The following RIMS2 variants were observed in gnomAD, a reference collection of about 807,000 sequenced individuals.
RIMS2 encodes the protein regulating synaptic membrane exocytosis protein 2.
Under a neutral mutation model 174.4 loss-of-function variants are expected in RIMS2, and 59 were observed. That is an observed-to-expected ratio of 0.34 (90% CI 0.27 to 0.42). The LOEUF (loss-of-function observed/expected upper bound fraction) is 0.42. Ranked by LOEUF, RIMS2 falls within the 10% of genes least tolerant of loss-of-function variation. The pLI is 1.00. For synonymous variants in RIMS2, 606 were observed against 572.5 expected, an observed-to-expected ratio of 1.06 and a Z score of -0.84; for missense variants, 1,620 against 1,666.3, an observed-to-expected ratio of 0.97 and a Z score of 0.48.
intron 1 of RIMS2, among the ~76,000 whole-genome samples, chr8:103,541,669 T>C (rs954188015): frequency 6.6e-6 from 1 of 152,220 alleles, no homozygotes; most frequent in Non-Finnish European, 1.5e-5. Flanking sequence ...TCTAGTACTG[T>C]AATGGTGGTG....
intron 2 of RIMS2, among the ~76,000 whole-genome samples, chr8:103,723,269 CTG>C: frequency 6.6e-6 from 1 of 152,380 alleles, no homozygotes; most frequent in African/African-American, 2.4e-5. Flanking sequence ...TCATGTTTCT[CTG>C]ATTATTCACG....
intron 21 of RIMS2, 81 bp downstream of exon 27, chr8:104,248,894 T>C: frequency 1.6e-6 from 1 of 606,848 alleles, no homozygotes; most frequent in South Asian, 2.0e-5. Flanking sequence ...TAGAATCTTC[T>C]CTCTCTCTCT....
chr8:104,035,765 C>T (rs1159649822), intron 19 of RIMS2, among the ~76,000 whole-genome samples: 2 of 151,944 alleles, frequency 1.3e-5, no homozygotes, highest in South Asian at 4.1e-4. Flanking sequence ...GCCATCCAGT[C>T]TGGAAAAAGG....
chr8:103,885,423 A>G, exon 4 of RIMS2: 1 of 1,611,982 alleles, frequency 6.2e-7, no homozygotes, highest in Non-Finnish European at 8.5e-7. Context: ...GATTATGCTG[A>G]TAGGCGATCT....
chr8:104,188,979 G>A (rs746490010), intron 19 of RIMS2, among the ~76,000 whole-genome samples: 3 of 151,748 alleles, frequency 2.0e-5, no homozygotes, highest in Non-Finnish European at 4.4e-5. Context: ...TCTACAAATT[G>A]TTCATCCTTC....
intron 19 of RIMS2, among the ~76,000 whole-genome samples, chr8:104,207,256 T>C (rs1194622919): frequency 6.6e-6 from 1 of 152,176 alleles, no homozygotes; most frequent in Non-Finnish European, 1.5e-5. Flanking sequence ...AATGTCTTTG[T>C]CCAGCTGCAG....
chr8:104,098,623 G>A (rs75281168), intron 19 of RIMS2, among the ~76,000 whole-genome samples: 2,005 of 152,146 alleles, frequency 0.013, 23 homozygotes, highest in Middle Eastern at 0.11. Context: ...TTTTGAGATA[G>A]AGACTTTTTT....
At chr8:103,715,850 A>G (rs1269954642) in intron 2 of RIMS2, among the ~76,000 whole-genome samples, 1 of 152,148 alleles carries the variant, frequency 6.6e-6, no homozygotes, top group African/African-American at 2.4e-5. Context: ...TGAAAATTAC[A>G]TTTTATCTAC....
chr8:103,915,148 G>C (rs2076420371), intron 6 of RIMS2, among the ~76,000 whole-genome samples: 2 of 151,902 alleles, frequency 1.3e-5, no homozygotes, highest in South Asian at 4.1e-4. Context: ...TCTATAACTA[G>C]AAATGTTTAT....
chr8:104,038,012 C>T (rs1310921912), intron 19 of RIMS2, among the ~76,000 whole-genome samples: 5 of 152,010 alleles, frequency 3.3e-5, no homozygotes, highest in Admixed American at 3.3e-4. Context: ...AGCCTAGGCA[C>T]AACAGGACTA....
chr8:104,181,115 T>C (rs1453117911), intron 19 of RIMS2, among the ~76,000 whole-genome samples: 3 of 151,700 alleles, frequency 2.0e-5, no homozygotes, highest in African/African-American at 7.2e-5. Context: ...TTGCAGGACT[T>C]CATAAAGTCC....
intron 3 of RIMS2, among the ~76,000 whole-genome samples, chr8:103,878,407 C>T (rs747415994): frequency 6.6e-6 from 1 of 151,838 alleles, no homozygotes; most frequent in Non-Finnish European, 1.5e-5. Context: ...TCCTTTCATG[C>T]CTGGAATGGA....
At chr8:103,888,574 A>AATGC (rs1358101502) in intron 4 of RIMS2, among the ~76,000 whole-genome samples, 2 of 151,592 alleles carry the variant, frequency 1.3e-5, no homozygotes, top group Non-Finnish European at 3.0e-5. Flanking sequence ...TTGCTAAAGT[A>AATGC]ATGCCTTCAC....
intron 19 of RIMS2, among the ~76,000 whole-genome samples, chr8:104,199,065 ATTTT>A (rs1452130483): frequency 1.1e-3 from 168 of 151,330 alleles, no homozygotes; most frequent in African/African-American, 3.9e-3. Flanking sequence ...ATTTTATTTT[ATTTT>A]ATTTTATTTT....
intron 14 of RIMS2, among the ~76,000 whole-genome samples, chr8:103,955,535 A>G (rs1302957560): frequency 1.3e-5 from 2 of 152,104 alleles, no homozygotes. Flanking sequence ...AAAAGGCCTT[A>G]AACAAAATTC....
At chr8:103,542,508 A>G (rs1005722371) in intron 1 of RIMS2, among the ~76,000 whole-genome samples, 3 of 152,232 alleles carry the variant, frequency 2.0e-5, no homozygotes, top group African/African-American at 4.8e-5. Context: ...CATTATGCCA[A>G]TATCAAAGCC....
At chr8:103,816,605 G>C (rs907282355) in intron 3 of RIMS2, among the ~76,000 whole-genome samples, 6 of 152,192 alleles carry the variant, frequency 3.9e-5, no homozygotes, top group Admixed American at 3.9e-4. Context: ...TCTTTCTAAA[G>C]GAGGGACATT....
intron 3 of RIMS2, among the ~76,000 whole-genome samples, chr8:103,820,285 G>A (rs2098743980): frequency 6.6e-6 from 1 of 151,950 alleles, no homozygotes; most frequent in African/African-American, 2.4e-5. Context: ...ATTAAAGAAT[G>A]TTTTTGGAAT....
intron 15 of RIMS2, among the ~76,000 whole-genome samples, chr8:103,964,183 C>A (rs541290726): frequency 6.6e-6 from 1 of 152,166 alleles, no homozygotes; most frequent in East Asian, 1.9e-4. Flanking sequence ...TTTTCGCAAA[C>A]GCCAACCAGC....
Sources: allele counts gnomAD v4.1 joint callset (sites outside exome capture counted in the v4.1 genomes callset), GRCh38; gene constraint gnomAD v4.1.1; transcripts MANE v1.5; gene names NCBI Gene and HGNC (gene_info 2026-07-23, HGNC 2026-07-21).